Variants in DAPK1 observed in about 807,000 individuals in gnomAD.
DAPK1 encodes death-associated protein kinase 1.
In DAPK1, 56 loss-of-function variants were observed where a neutral mutation model predicts 144.9. That is an observed-to-expected ratio of 0.39 (90% CI 0.31 to 0.48). DAPK1 has a LOEUF of 0.48. Ranked by LOEUF, DAPK1 falls within the 20% of genes least tolerant of loss-of-function variation. The probability of loss-of-function intolerance (pLI) is 0.95; values close to 1 mark genes in which losing one functional copy is unlikely to be tolerated. For synonymous variants in DAPK1, 690 were observed against 749.0 expected (o/e 0.92, Z 1.29); for missense variants, 1,454 against 1,875.4 (o/e 0.78, Z 4.15).
chr9:87,522,179 A>C (rs947889657), intron 2 of DAPK1, among the ~76,000 whole-genome samples: 1 of 152,160 alleles, frequency 6.6e-6, no homozygotes, highest in African/African-American at 2.4e-5. Context: ...ACAATACTTA[A>C]CTAGAATGGC....
At chr9:87,499,243 C>A in intron 2 of DAPK1, 104 bp downstream of exon 2, 1 of 1,040,668 alleles carries the variant, frequency 9.6e-7, no homozygotes, top group South Asian at 1.3e-5. Context: ...GTCTCCCTCG[C>A]CCTTTCTGGA....
intron 2 of DAPK1, among the ~76,000 whole-genome samples, chr9:87,510,144 T>TCTGTGC (rs1280294187): frequency 6.6e-6 from 1 of 152,156 alleles, no homozygotes; most frequent in African/African-American, 2.4e-5. Context: ...ACGTTGTCAG[T>TCTGTGC]CTGTGCGTTC....
intron 2 of DAPK1, among the ~76,000 whole-genome samples, chr9:87,526,523 T>A (rs956125285): frequency 6.6e-6 from 1 of 152,274 alleles, no homozygotes; most frequent in African/African-American, 2.4e-5. Flanking sequence ...TGTATGAATA[T>A]GCTACAGTCT....
At chr9:87,694,838 A>G (rs1407288984) in intron 21 of DAPK1, among the ~76,000 whole-genome samples, 3 of 152,168 alleles carry the variant, frequency 2.0e-5, no homozygotes, top group African/African-American at 7.2e-5. Context: ...TTTGGAACAT[A>G]CAAATGGTGC....
intron 2 of DAPK1, among the ~76,000 whole-genome samples, chr9:87,500,624 T>C (rs1282104120): frequency 1.3e-5 from 2 of 152,220 alleles, no homozygotes; most frequent in Non-Finnish European, 2.9e-5. Context: ...ATTTTCATTA[T>C]GATTTTTTGG....
At chr9:87,572,394 A>T (rs1023364369) in intron 2 of DAPK1, among the ~76,000 whole-genome samples, 1 of 152,174 alleles carries the variant, frequency 6.6e-6, no homozygotes, top group African/African-American at 2.4e-5. Context: ...CAATGTGCTT[A>T]TGAGTCACCT....
intron 2 of DAPK1, among the ~76,000 whole-genome samples, chr9:87,591,941 CAG>C (rs1305630559): frequency 3.3e-5 from 5 of 152,192 alleles, no homozygotes; most frequent in Admixed American, 2.6e-4. Context: ...AAAGTCTAAA[CAG>C]GGGGCCTGTG....
intron 2 of DAPK1, among the ~76,000 whole-genome samples, chr9:87,499,958 A>G (rs1824332713): frequency 6.6e-6 from 1 of 152,242 alleles, no homozygotes; most frequent in Non-Finnish European, 1.5e-5. Context: ...AACTGAATTT[A>G]TGGAATTTGA....
At chr9:87,636,812 G>C (rs926591450) in intron 3 of DAPK1, among the ~76,000 whole-genome samples, 1 of 152,200 alleles carries the variant, frequency 6.6e-6, no homozygotes, top group East Asian at 1.9e-4. Flanking sequence ...GGTTAAACTT[G>C]ATAAAGATTA....
At chr9:87,525,195 C>T in intron 2 of DAPK1, 1 of 788,968 alleles carries the variant, frequency 1.3e-6, no homozygotes, top group Non-Finnish European at 2.2e-6. Flanking sequence ...TGGATGAGTA[C>T]CAGAACTTTC....
At chr9:87,627,198 A>G (rs373565396) in intron 3 of DAPK1, among the ~76,000 whole-genome samples, 1 of 152,152 alleles carries the variant, frequency 6.6e-6, no homozygotes, top group South Asian at 2.1e-4. Context: ...GCCTCGGCCC[A>G]TGAGGTTGAC....
chr9:87,573,074 A>G lies in DAPK1; in HGVS notation c.63-31880A>G, dbSNP rs36203858. On this transcript the variant is annotated intron_variant, in intron 2 of 25. Transcript: ENST00000408954. ...TTCTAAGCGTATCTGTGATCTCTGC[A>G]AGGCCACACGGACAGCACCCAGCCT... Among the ~76,000 whole-genome samples, 40 of 152,316 alleles carry G rather than the reference A, an allele frequency of 2.6e-4. No homozygotes were observed. The East Asian group carries it at 6.6e-3, about 25-fold the overall frequency.
In DAPK1 at chr9:87,622,367, C is replaced by G. The variant is rs188720083; in HGVS notation, c.285-15576C>G. On this transcript the variant is annotated intron_variant, in intron 3 of 25. Coordinates refer to ENST00000408954, the MANE Select transcript of DAPK1 (RefSeq NM_004938.4). Reference sequence around the variant, plus strand: ...TGTGAGTGTCACCCTGCTGCCTGAGCAGCAGGCTCCGGTACCTCACAAAAC... The same window carrying G: ...TGTGAGTGTCACCCTGCTGCCTGAGGAGCAGGCTCCGGTACCTCACAAAAC... Among the ~76,000 whole-genome samples the G allele has an allele frequency of 1.1e-4, 16 of 152,116 alleles. No individual in the cohort carries two copies. In the East Asian group the frequency reaches 2.9e-3, roughly 28 times the overall value.
intron 17 of DAPK1, among the ~76,000 whole-genome samples, chr9:87,654,729 T>C (rs1830574922): frequency 6.6e-6 from 1 of 152,202 alleles, no homozygotes; most frequent in Admixed American, 6.5e-5. Context: ...TTTGACTCTC[T>C]GTAGACATTC....
chr9:87,520,093 G>C (rs1416045660), intron 2 of DAPK1, among the ~76,000 whole-genome samples: 3 of 152,128 alleles, frequency 2.0e-5, no homozygotes, highest in Non-Finnish European at 2.9e-5. Context: ...TTCTTCCCAG[G>C]TAAGTTTTAA....
intron 2 of DAPK1, among the ~76,000 whole-genome samples, chr9:87,565,344 A>G (rs1443579011): frequency 6.6e-6 from 1 of 152,220 alleles, no homozygotes; most frequent in Non-Finnish European, 1.5e-5. Flanking sequence ...TCACAACCCC[A>G]TCCTCTGTCC....
chr9:87,518,815 C>T (rs187955784), intron 2 of DAPK1, among the ~76,000 whole-genome samples: 1 of 151,890 alleles, frequency 6.6e-6, no homozygotes, highest in Admixed American at 6.6e-5. Context: ...GGCCCGCGCC[C>T]AGTATTTGGC....
At chr9:87,554,827 C>G (rs1826642622) in intron 2 of DAPK1, among the ~76,000 whole-genome samples, 1 of 152,220 alleles carries the variant, frequency 6.6e-6, no homozygotes, top group African/African-American at 2.4e-5. Flanking sequence ...CACCGGAGGT[C>G]TGAGAGTGTC....
rs1005108577 is a variant in DAPK1, at chr9:87,649,109, G to A, written c.1428+230G>A. 4.6e-5 allele frequency among the ~76,000 whole-genome samples: 7 copies of A among 152,280 alleles called. No homozygotes were observed. In the East Asian group the frequency reaches 9.7e-4, roughly 21 times the overall value. The stretch of plus-strand genomic sequence containing the variant: ...CTTGATTCATTCATGCATTCAATCT[G>A]CTGAACAGCCCTATGAGGTGGATTA... On this transcript the variant is annotated intron_variant, in intron 15 of 25. Coordinates refer to ENST00000408954, the MANE Select transcript of DAPK1 (RefSeq NM_004938.4).
Sources: gnomAD v4.1 joint callset for allele counts (sites outside exome capture counted in the v4.1 genomes callset) on GRCh38, gnomAD v4.1.1 for gene constraint, MANE v1.5 for transcripts, NCBI Gene and HGNC (gene_info 2026-07-23, HGNC 2026-07-21) for gene names.